The following FSTL4 variants were observed in gnomAD, a reference collection of about 807,000 sequenced individuals.
FSTL4 encodes the protein follistatin-related protein 4.
FSTL4 carries 28 observed loss-of-function variants against 78.2 expected under a neutral mutation model. The observed-to-expected ratio is 0.36, with a 90% CI of 0.27 to 0.49. The LOEUF is 0.49. FSTL4 is among the 20% of genes least tolerant of loss of function. FSTL4 has a pLI of 0.98. For synonymous variants in FSTL4, 422 were observed against 440.5 expected (o/e 0.96, Z 0.53); for missense variants, 922 against 1,084.9 (o/e 0.85, Z 2.11).
chr5:133,316,970 G>A (rs529780712), intron 4 of FSTL4, among the ~76,000 whole-genome samples: 6 of 152,254 alleles, frequency 3.9e-5, no homozygotes, highest in Non-Finnish European at 7.4e-5. Context: ...TTCTTCCAGC[G>A]GAATATATAG....
chr5:133,344,504 A>G (rs566535644), intron 4 of FSTL4, among the ~76,000 whole-genome samples: 29 of 152,270 alleles, frequency 1.9e-4, no homozygotes, highest in Non-Finnish European at 3.1e-4. Context: ...GTGCTGTTTG[A>G]AGGAGATTAT....
intron 3 of FSTL4, among the ~76,000 whole-genome samples, chr5:133,481,908 C>T (rs973178715): frequency 6.6e-6 from 1 of 152,196 alleles, no homozygotes; most frequent in East Asian, 1.9e-4. Flanking sequence ...CATACCCCAA[C>T]AAAAACCATG....
chr5:133,345,548 G>A (rs183566048), intron 4 of FSTL4, among the ~76,000 whole-genome samples: 7 of 152,162 alleles, frequency 4.6e-5, no homozygotes, highest in South Asian at 2.1e-4. Flanking sequence ...GGGTTTTTAC[G>A]GTTTTAGGTT....
chr5:133,577,003 C>T (rs1004656039), intron 2 of FSTL4, among the ~76,000 whole-genome samples: 3 of 152,244 alleles, frequency 2.0e-5, no homozygotes, highest in East Asian at 1.9e-4. Flanking sequence ...AATAAAGTGG[C>T]GCCTTATGTA....
chr5:133,303,250 T>C (rs891746221), intron 6 of FSTL4, among the ~76,000 whole-genome samples: 4 of 152,192 alleles, frequency 2.6e-5, no homozygotes, highest in African/African-American at 9.7e-5. Flanking sequence ...CTAGAAGAGG[T>C]GCTCCTTAGC....
At chr5:133,543,329 G>T (rs1759513969) in intron 3 of FSTL4, among the ~76,000 whole-genome samples, 1 of 152,146 alleles carries the variant, frequency 6.6e-6, no homozygotes, top group Admixed American at 6.5e-5. Flanking sequence ...TGGGATTACA[G>T]GCATGAGCCA....
In FSTL4 at chr5:133,199,253, T is replaced by C; in HGVS notation, c.2371A>G (p.Thr791Ala). 1.2e-6 allele frequency: 2 copies of C among 1,613,690 alleles called. No homozygotes were observed. Among genetic ancestry groups the C allele is most frequent in the Non-Finnish European group, 1.7e-6 (2 of 1,179,636 alleles). The change falls in exon 16 of 16, where the codon ACC becomes GCC. Residue 791 changes from threonine to alanine, a missense_variant. Physicochemically the swap from Thr to Ala is moderately conservative, Grantham distance 58. Coordinates refer to ENST00000265342, the MANE Select transcript of FSTL4 (RefSeq NM_015082.2). This position sits in a 1 kb window ranked among gnomAD's most constrained non-coding sequence, Gnocchi z 4.4. The part of the protein sequence containing the change: ...PAGPAQPWGG[T>A]HRIMRDSGLF... ...CCACTGTCCCTCATGATTCTGTGGG[T>C]ACCCCCCCAGGGCTGAGCTGGCCCT...
chr5:133,372,245 C>CTATGTATCTATG (rs757202475), intron 4 of FSTL4, among the ~76,000 whole-genome samples: 2,038 of 140,094 alleles, frequency 0.015, 15 homozygotes, highest in Non-Finnish European at 0.024. Context: ...ATCTATGTAT[C>CTATGTATCTATG]TATGTATGTA....
At chr5:133,305,154 T>C (rs1055388235) in intron 6 of FSTL4, among the ~76,000 whole-genome samples, 1 of 152,236 alleles carries the variant, frequency 6.6e-6, no homozygotes, top group Non-Finnish European at 1.5e-5. Context: ...CCGGAGGCCT[T>C]CAAAGGCCAA....
the FSTL4 span, among the ~76,000 whole-genome samples, chr5:133,792,994 T>A: frequency 3.9e-5 from 6 of 152,350 alleles, no homozygotes; most frequent in South Asian, 1.2e-3. Flanking sequence ...TTGCTGGCTC[T>A]GGCGGGTAGA....
At chr5:133,391,382 C>G (rs1173262539) in intron 4 of FSTL4, among the ~76,000 whole-genome samples, 1 of 152,176 alleles carries the variant, frequency 6.6e-6, no homozygotes, top group Non-Finnish European at 1.5e-5. Flanking sequence ...TCACATGGAT[C>G]TGAGCACCTG....
chr5:133,830,327 G>A, the FSTL4 span, among the ~76,000 whole-genome samples: 1 of 152,318 alleles, frequency 6.6e-6, no homozygotes, highest in South Asian at 2.1e-4. Context: ...CAGCCACTTG[G>A]CTCTCTGTAC....
intron 4 of FSTL4, among the ~76,000 whole-genome samples, chr5:133,371,169 A>G (rs1473400169): frequency 1.3e-5 from 2 of 152,158 alleles, no homozygotes; most frequent in African/African-American, 2.4e-5. Context: ...AGGGTCACCA[A>G]CCCCAGGCCA....
chr5:133,243,307 C>A (rs1480269600), intron 7 of FSTL4, among the ~76,000 whole-genome samples: 4 of 152,040 alleles, frequency 2.6e-5, no homozygotes, highest in African/African-American at 4.8e-5. Flanking sequence ...TGTTGTAGGC[C>A]TTTTTGTTTT....
chr5:133,370,781 A>G (rs1755279185), intron 4 of FSTL4, among the ~76,000 whole-genome samples: 1 of 152,116 alleles, frequency 6.6e-6, no homozygotes, highest in African/African-American at 2.4e-5. Context: ...CCCTCAGAGC[A>G]GAGGGGGTGG....
chr5:133,395,178 T>TC (rs1204969048), intron 4 of FSTL4, among the ~76,000 whole-genome samples: 1 of 152,030 alleles, frequency 6.6e-6, no homozygotes, highest in Non-Finnish European at 1.5e-5. Flanking sequence ...GCAACCTGGG[T>TC]CCCCTTCCAC....
the FSTL4 span, among the ~76,000 whole-genome samples, chr5:133,632,207 T>G: frequency 6.6e-6 from 1 of 152,136 alleles, no homozygotes; most frequent in African/African-American, 2.4e-5. Context: ...TTTTATAATT[T>G]CACCAGTTCA....
the FSTL4 span, among the ~76,000 whole-genome samples, chr5:133,651,229 C>G: frequency 6.6e-6 from 1 of 151,838 alleles, no homozygotes; most frequent in Non-Finnish European, 1.5e-5. Context: ...ACTTTTATTT[C>G]CCTTTCTTGT....
intron 4 of FSTL4, among the ~76,000 whole-genome samples, chr5:133,356,569 C>G (rs1246980154): frequency 6.6e-6 from 1 of 152,236 alleles, no homozygotes; most frequent in Non-Finnish European, 1.5e-5. Context: ...TCTCAGCTTT[C>G]TTCAGATGGG....
Sources: gnomAD v4.1 joint callset for allele counts (sites outside exome capture counted in the v4.1 genomes callset) on GRCh38, gnomAD v4.1.1 for gene constraint, Gnocchi (gnomAD v3.1) non-coding constraint, MANE v1.5 for transcripts, NCBI Gene and HGNC (gene_info 2026-07-23, HGNC 2026-07-21) for gene names.